Variants in ITGB3 observed in about 807,000 individuals in gnomAD.
ITGB3 encodes the protein integrin subunit beta 3.
Under a neutral mutation model 85.8 loss-of-function variants are expected in ITGB3, and 48 were observed. The observed-to-expected ratio is 0.56, with a 90% CI of 0.44 to 0.71. ITGB3 has a LOEUF of 0.71. Among genes scored for constraint, ITGB3 ranks in the 30% least tolerant of loss-of-function variants. The pLI is 0.00. For missense variants in ITGB3, 861 were observed against 1,019.1 expected, an observed-to-expected ratio of 0.84 and a Z score of 2.11; for synonymous variants, 363 against 395.6, an observed-to-expected ratio of 0.92 and a Z score of 0.98.
intron 1 of ITGB3, among the ~76,000 whole-genome samples, chr17:47,271,985 C>T (rs1469024348): frequency 2.0e-5 from 3 of 151,474 alleles, no homozygotes; most frequent in African/African-American, 4.9e-5. Context: ...GAACTCCTGA[C>T]CTCAGGTGAT....
intron 1 of ITGB3, among the ~76,000 whole-genome samples, chr17:47,258,765 G>A (rs964163292): frequency 2.0e-5 from 3 of 152,064 alleles, no homozygotes; most frequent in African/African-American, 4.8e-5. Context: ...TTTTGTAATC[G>A]ATACCCTACC....
chr17:47,289,848 G>A lies in ITGB3; in HGVS notation c.1035+72G>A, dbSNP rs1228514261. Reference sequence around the variant, plus strand: ...TGCCCCAGGTAGCCAGCCTGTGCTAGCATTGGATACAGTCCCCAATCAGGA... The same window carrying A: ...TGCCCCAGGTAGCCAGCCTGTGCTAACATTGGATACAGTCCCCAATCAGGA... On this transcript the variant is annotated intron_variant, in intron 7 of 14. Transcript: ENST00000559488. 8.6e-6 allele frequency: 9 copies of A among 1,046,096 alleles called. No individual in the cohort carries two copies. In the African/African-American group the frequency reaches 9.4e-5, roughly 11 times the overall value. The allele number at this position is 1,046,096 out of a possible 1,614,324, so 64.8% of individuals were successfully genotyped here.
At chr17:47,269,720 GTCT>G (rs2143055408) in intron 1 of ITGB3, among the ~76,000 whole-genome samples, 1 of 152,164 alleles carries the variant, frequency 6.6e-6, no homozygotes, top group East Asian at 1.9e-4. Flanking sequence ...ACATTTTCCT[GTCT>G]TCTTCTGAGC....
Position 47,289,722 on chromosome 17 carries a change from G to A in ITGB3, c.981G>A (p.Gln327=), listed in dbSNP as rs1466881463. The part of the protein sequence containing the change: ...SLGLMTEKLS[Q]KNINLIFAVT... ...GGCTGATGACTGAGAAGCTATCCCA[G>A]AAAAACATCAATTTGATCTTTGCAG... is the stretch of plus-strand genomic sequence containing the variant. Residue 327 remains glutamine (Q), a synonymous_variant, in exon 7 of 15, where the codon CAG becomes CAA. Coordinates refer to ENST00000559488, the MANE Select transcript of ITGB3 (RefSeq NM_000212.3). 1 of 1,614,076 alleles carries A rather than the reference G, an allele frequency of 6.2e-7. No individual in the cohort carries two copies. The highest frequency in any genetic ancestry group is 1.7e-5 in the Admixed American group (1 of 60,024).
rs58156465 is a variant in ITGB3, at chr17:47,272,056, A to ATTTTT, written c.80-2348_80-2344dup. ...AGGCATGAGCCGCCTCACCGGGGCT[A>ATTTTT]TTTTTTTTTTTTTTTTTTTGAGATG... is the stretch of plus-strand genomic sequence containing the variant. On this transcript the variant is annotated intron_variant, in intron 1 of 14. Coordinates refer to ENST00000559488, the MANE Select transcript of ITGB3 (RefSeq NM_000212.3). 2.8e-3 allele frequency among the ~76,000 whole-genome samples: 290 copies of ATTTTT among 103,292 alleles called. 5 individuals carry two copies. Among genetic ancestry groups the ATTTTT allele is most frequent in the African/African-American group, 0.011 (276 of 26,130 alleles). The allele number at this position is 103,292 out of a possible 152,430, so 67.8% of individuals were successfully genotyped here. A position where few individuals can be genotyped will look rare whatever the true frequency, so the allele number is the denominator to read the frequency against.
chr17:47,254,329 C>T lies in ITGB3; in HGVS notation c.79+389C>T, dbSNP rs536913107. Among the ~76,000 whole-genome samples, 616 of 152,212 alleles carry T rather than the reference C, an allele frequency of 4.0e-3. 10 individuals carry two copies. Among genetic ancestry groups the T allele is most frequent in the African/African-American group, 0.014 (592 of 41,552 alleles). On this transcript the variant is annotated intron_variant, in intron 1 of 14. Transcript: ENST00000559488. ...CAGGAGCCAAGGCGAGGTGGGGCTT[C>T]CGGGGGTTGTTCCCGCGCCTTGGCA...
At chr17:47,286,757 C>T (rs921908298) in intron 5 of ITGB3, among the ~76,000 whole-genome samples, 2 of 152,226 alleles carry the variant, frequency 1.3e-5, no homozygotes, top group Admixed American at 6.5e-5. Flanking sequence ...CCCAGATCAG[C>T]TCTGTGGATG....
chr17:47,273,153 A>G (rs2065051519), intron 1 of ITGB3, among the ~76,000 whole-genome samples: 1 of 152,184 alleles, frequency 6.6e-6, no homozygotes, highest in Non-Finnish European at 1.5e-5. Flanking sequence ...GTTGGGAAGG[A>G]GGGAATTCAG....
At chr17:47,264,530 T>G (rs1463708849) in intron 1 of ITGB3, among the ~76,000 whole-genome samples, 1 of 152,198 alleles carries the variant, frequency 6.6e-6, no homozygotes, top group African/African-American at 2.4e-5. Context: ...CAGGATGATC[T>G]TTTTTTGCTC....
chr17:47,270,768 C>T (rs2065041546), intron 1 of ITGB3, among the ~76,000 whole-genome samples: 2 of 152,096 alleles, frequency 1.3e-5, no homozygotes, highest in African/African-American at 4.8e-5. Context: ...TTGGGCAAGG[C>T]CTTTGAAGTT....
intron 14 of ITGB3, among the ~76,000 whole-genome samples, chr17:47,308,160 AAAT>A (rs200038305): frequency 2.6e-4 from 36 of 138,556 alleles, no homozygotes; most frequent in East Asian, 2.5e-3. Context: ...TCGGTCTCAA[AAAT>A]AATAATAATA....
intron 4 of ITGB3, among the ~76,000 whole-genome samples, 187 bp from the exon 5 acceptor site, chr17:47,286,073 G>A (rs1160224923): frequency 2.0e-5 from 3 of 152,160 alleles, no homozygotes; most frequent in Non-Finnish European, 4.4e-5. Flanking sequence ...GCTGGATGGG[G>A]GTAATGTTGA....
intron 1 of ITGB3, among the ~76,000 whole-genome samples, chr17:47,256,329 G>C (rs1004577993): frequency 6.6e-6 from 1 of 152,186 alleles, no homozygotes; most frequent in Non-Finnish European, 1.5e-5. Context: ...ATCCTTAGGC[G>C]ATCTGTTCAC....
Position 47,292,237 on chromosome 17 carries a change from C to A in ITGB3, c.1359C>A (p.Val453=), listed in dbSNP as rs2065129420. The change falls in exon 10 of 15, where the codon GTC becomes GTA. Residue 453 remains valine (V), a synonymous_variant. Transcript: ENST00000559488. Reference sequence around the variant, plus strand: ...TGGGCTTCAAGGACAGCCTGATCGTCCAGGTCACCTTTGATTGTGACTGTG... The same window carrying A: ...TGGGCTTCAAGGACAGCCTGATCGTACAGGTCACCTTTGATTGTGACTGTG... ...KPVGFKDSLI[V]QVTFDCDCAC... The A allele has an allele frequency of 1.2e-6, 2 of 1,614,212 alleles. No individual in the cohort carries two copies. The highest frequency in any genetic ancestry group is 2.2e-5 in the East Asian group (1 of 44,892).
intron 1 of ITGB3, among the ~76,000 whole-genome samples, chr17:47,254,608 G>GA (rs1220033991): frequency 1.3e-5 from 2 of 152,162 alleles, no homozygotes; most frequent in African/African-American, 4.8e-5. Context: ...CCCTGCACCC[G>GA]AAAAATCTCT....
At chr17:47,280,439 C>A (rs190434626) in intron 2 of ITGB3, among the ~76,000 whole-genome samples, 1 of 152,178 alleles carries the variant, frequency 6.6e-6, no homozygotes, top group Non-Finnish European at 1.5e-5. Flanking sequence ...TCACTGCAAC[C>A]TCCGCCTCCC....
chr17:47,274,892 C>T (rs2065057543), intron 2 of ITGB3, among the ~76,000 whole-genome samples: 1 of 152,154 alleles, frequency 6.6e-6, no homozygotes, highest in Non-Finnish European at 1.5e-5. Flanking sequence ...GATCCTCCTA[C>T]CTTGGCCTCC....
chr17:47,292,698 T>A, intron 10 of ITGB3, 130 bp downstream of exon 10: 1 of 894,786 alleles, frequency 1.1e-6, no homozygotes, highest in Non-Finnish European at 1.7e-6. Context: ...GTTCCTAATC[T>A]TTTTGAGTAT....
chr17:47,262,877 C>A (rs1000552799), intron 1 of ITGB3, among the ~76,000 whole-genome samples: 2 of 152,174 alleles, frequency 1.3e-5, no homozygotes, highest in African/African-American at 4.8e-5. Context: ...ATAGAGGGTT[C>A]TTTCATACGT....
Sources: allele counts gnomAD v4.1 joint callset (sites outside exome capture counted in the v4.1 genomes callset), GRCh38; gene constraint gnomAD v4.1.1; transcripts MANE v1.5; gene names NCBI Gene and HGNC (gene_info 2026-07-23, HGNC 2026-07-21).